Variants in HCRTR2 observed in about 807,000 individuals in gnomAD.
HCRTR2 encodes hypocretin receptor 2, also known as orexin receptor type 2.
A neutral mutation model predicts 49.0 loss-of-function variants in HCRTR2; 22 were observed. That is an observed-to-expected ratio of 0.45 (90% confidence interval 0.32 to 0.64). HCRTR2 has a LOEUF of 0.64. HCRTR2 is among the 30% of genes least tolerant of loss of function. HCRTR2 has a pLI of 0.04. For synonymous variants in HCRTR2, 236 were observed against 205.3 expected, an observed-to-expected ratio of 1.15 and a Z score of -1.28; for missense variants, 491 against 559.4, an observed-to-expected ratio of 0.88 and a Z score of 1.23.
chr6:55,127,257 C>T (rs1263688958), intron 1 of HCRTR2, among the ~76,000 whole-genome samples: 1 of 152,140 alleles, frequency 6.6e-6, no homozygotes, highest in Non-Finnish European at 1.5e-5. Flanking sequence ...GGGAGAAGCA[C>T]AGTATCTGGG....
chr6:55,152,346 C>T (rs909608020), intron 1 of HCRTR2, among the ~76,000 whole-genome samples: 2 of 151,870 alleles, frequency 1.3e-5, no homozygotes, highest in East Asian at 1.9e-4. Context: ...AGGATCTTTT[C>T]ATATACCTTT....
intron 1 of HCRTR2, among the ~76,000 whole-genome samples, chr6:55,205,760 T>G (rs556853539): frequency 1.3e-5 from 2 of 152,270 alleles, no homozygotes; most frequent in African/African-American, 4.8e-5. Context: ...GTGTGTTTAT[T>G]TTTTAGACGG....
intron 1 of HCRTR2, among the ~76,000 whole-genome samples, chr6:55,192,222 A>C (rs1209494925): frequency 6.6e-6 from 1 of 152,084 alleles, no homozygotes; most frequent in Non-Finnish European, 1.5e-5. Context: ...TTTTCATTCC[A>C]ACAAAAAAAA....
At chr6:55,130,862 A>G (rs1764346442) in intron 1 of HCRTR2, among the ~76,000 whole-genome samples, 1 of 151,924 alleles carries the variant, frequency 6.6e-6, no homozygotes, top group Non-Finnish European at 1.5e-5. Flanking sequence ...TTATTTTCTC[A>G]ATGACAGCAT....
chr6:55,256,901 A>G (rs556857078), intron 3 of HCRTR2, among the ~76,000 whole-genome samples: 1 of 152,238 alleles, frequency 6.6e-6, no homozygotes, highest in East Asian at 1.9e-4. Context: ...TTATAGGGTA[A>G]TCAGTATTTT....
At chr6:55,217,821 G>A (rs1160749901) in intron 1 of HCRTR2, among the ~76,000 whole-genome samples, 3 of 151,930 alleles carry the variant, frequency 2.0e-5, no homozygotes, top group Non-Finnish European at 4.4e-5. Context: ...AACCCTTCCA[G>A]CCTTTGTCCA....
chr6:55,187,256 CA>C (rs2127276150), intron 1 of HCRTR2, among the ~76,000 whole-genome samples: 1 of 151,068 alleles, frequency 6.6e-6, no homozygotes, highest in South Asian at 2.1e-4. Flanking sequence ...AAACAAACAA[CA>C]AAAAAATTAG....
At chr6:55,257,247 A>G (rs1766670708) in intron 3 of HCRTR2, among the ~76,000 whole-genome samples, 1 of 152,106 alleles carries the variant, frequency 6.6e-6, no homozygotes, top group Non-Finnish European at 1.5e-5. Context: ...GTTTATATTT[A>G]GAAAGCCTAA....
intron 4 of HCRTR2, among the ~76,000 whole-genome samples, chr6:55,271,879 G>T (rs557516826): frequency 6.6e-6 from 1 of 152,184 alleles, no homozygotes; most frequent in Admixed American, 6.5e-5. Context: ...TATTGGTAAG[G>T]ATGTGGAGTA....
chr6:55,161,683 C>T (rs910379399), intron 1 of HCRTR2, among the ~76,000 whole-genome samples: 8 of 151,996 alleles, frequency 5.3e-5, no homozygotes, highest in African/African-American at 1.9e-4. Flanking sequence ...TACAAACTAC[C>T]ATCAGAGAAT....
chr6:55,122,860 C>T (rs948056738), intron 1 of HCRTR2, among the ~76,000 whole-genome samples: 1 of 150,332 alleles, frequency 6.7e-6, no homozygotes, highest in South Asian at 2.1e-4. Context: ...AGCAAACTAT[C>T]GCAAGGACAA....
intron 1 of HCRTR2, among the ~76,000 whole-genome samples, chr6:55,107,971 C>T (rs971655053): frequency 6.6e-6 from 1 of 151,744 alleles, no homozygotes; most frequent in Non-Finnish European, 1.5e-5. Context: ...TTTAAACCAC[C>T]TATCCATACT....
In HCRTR2 at chr6:55,282,339, T is replaced by G. The variant is rs200490413; in HGVS notation, c.1220T>G (p.Leu407Trp). 35 of 1,613,802 alleles carry G rather than the reference T, an allele frequency of 2.2e-5. 1 individual carries two copies. In the East Asian group the frequency reaches 7.6e-4, roughly 35 times the overall value. ...ACTAGCACAGAGAGCCGGAAGTCCT[T>G]GACCACTCAAATCAGCAACTTTGAT... The part of the protein sequence containing the change: ...GRTSTESRKS[L>W]TTQISNFDNI... Residue 407 changes from leucine (L) to tryptophan (W), a missense_variant, in exon 7 of 7, where the codon TTG (leucine) becomes TGG (tryptophan). Transcript: ENST00000370862.
intron 1 of HCRTR2, among the ~76,000 whole-genome samples, chr6:55,125,966 A>G (rs1025895604): frequency 1.3e-5 from 2 of 151,990 alleles, no homozygotes; most frequent in East Asian, 1.9e-4. Flanking sequence ...CAGCTCCATC[A>G]TGTCGTTTAT....
rs185305579 is a variant in HCRTR2, at chr6:55,145,806, A to G, written c.-377-28405A>G. On this transcript the variant is annotated intron_variant, in intron 1 of 7. Coordinates refer to the HCRTR2 transcript ENST00000615358. Reference sequence around the variant, plus strand: ...CCATACCATATTCTCTCCCCTGTATATAACACTTCTTACTTATTTTTTTAA... The same window carrying G: ...CCATACCATATTCTCTCCCCTGTATGTAACACTTCTTACTTATTTTTTTAA... Among the ~76,000 whole-genome samples the G allele has an allele frequency of 1.6e-4, 24 of 152,194 alleles. No individual in the cohort carries two copies. In the East Asian group the frequency reaches 3.9e-3, roughly 25 times the overall value.
At chr6:55,231,426 C>G (rs1392089658) in intron 1 of HCRTR2, among the ~76,000 whole-genome samples, 4 of 152,014 alleles carry the variant, frequency 2.6e-5, no homozygotes, top group Admixed American at 2.6e-4. Context: ...CAAATAGAAT[C>G]AAAAGGAATA....
intron 1 of HCRTR2, among the ~76,000 whole-genome samples, chr6:55,122,495 T>C (rs7768277): frequency 1 from 152,147 of 152,186 alleles, 76,054 homozygotes; most frequent in Middle Eastern, 1. Context: ...TTATCTCTTG[T>C]CTTCTGCTAG....
At chr6:55,156,337 T>G (rs1433152244) in intron 1 of HCRTR2, among the ~76,000 whole-genome samples, 4 of 152,000 alleles carry the variant, frequency 2.6e-5, no homozygotes, top group Non-Finnish European at 4.4e-5. Context: ...ATACTGAAAT[T>G]TAAAACTTAT....
chr6:55,127,465 C>T (rs1377618527), intron 1 of HCRTR2, among the ~76,000 whole-genome samples: 2 of 152,166 alleles, frequency 1.3e-5, no homozygotes, highest in African/African-American at 2.4e-5. Context: ...ATCATCTGCA[C>T]TCTGCGTTGG....
Sources: gnomAD v4.1 joint callset for allele counts (sites outside exome capture counted in the v4.1 genomes callset) on GRCh38, gnomAD v4.1.1 for gene constraint, MANE v1.5 for transcripts, NCBI Gene and HGNC (gene_info 2026-07-23, HGNC 2026-07-21) for gene names.